Variants in ME1 observed in about 807,000 individuals in gnomAD.
ME1 encodes the protein malic enzyme 1.
ME1 carries 74 observed loss-of-function variants against 66.4 expected under a neutral mutation model. The observed-to-expected ratio is 1.11, with a 90% CI of 0.92 to 1.35. The LOEUF (loss-of-function observed/expected upper bound fraction) is 1.35. Ranked by LOEUF, ME1 falls within the 40% of genes most tolerant of loss-of-function variation. The pLI, the probability that ME1 is intolerant of heterozygous loss-of-function variation, is 0.00. For synonymous variants in ME1, 251 were observed against 235.6 expected, an observed-to-expected ratio of 1.07 and a Z score of -0.60; for missense variants, 750 against 694.1, an observed-to-expected ratio of 1.08 and a Z score of -0.90.
At chr6:83,227,032 C>T (rs555598599) in intron 11 of ME1, among the ~76,000 whole-genome samples, 1 of 152,076 alleles carries the variant, frequency 6.6e-6, no homozygotes, top group African/African-American at 2.4e-5. Context: ...TAATAAGCCT[C>T]TAGAACCAAG....
At chr6:83,292,093 T>A (rs547862730) in intron 6 of ME1, among the ~76,000 whole-genome samples, 297 of 152,240 alleles carry the variant, frequency 2.0e-3, no homozygotes, top group Non-Finnish European at 2.8e-3. Context: ...ATAAGTTTGT[T>A]ATTATCAACC....
At chr6:83,400,243 C>T (rs773782509) in intron 2 of ME1, among the ~76,000 whole-genome samples, 1 of 152,102 alleles carries the variant, frequency 6.6e-6, no homozygotes, top group Non-Finnish European at 1.5e-5. Context: ...TCATGAATGG[C>T]TTAGCACCAA....
At chr6:83,373,704 C>T (rs1188246675) in intron 3 of ME1, among the ~76,000 whole-genome samples, 1 of 151,972 alleles carries the variant, frequency 6.6e-6, no homozygotes, top group African/African-American at 2.4e-5. Context: ...CTGCATCTAT[C>T]GACCTGTCAT....
At chr6:83,308,412 A>G (rs1767864335) in intron 6 of ME1, among the ~76,000 whole-genome samples, 1 of 151,766 alleles carries the variant, frequency 6.6e-6, no homozygotes, top group Non-Finnish European at 1.5e-5. Flanking sequence ...AATATAGAGA[A>G]TTTTAGGCAG....
intron 8 of ME1, 83 bp downstream of exon 8, chr6:83,239,456 T>A (rs1282631978): frequency 5.3e-6 from 5 of 934,608 alleles, no homozygotes; most frequent in Non-Finnish European, 3.3e-6. Flanking sequence ...TTTGAAAGAA[T>A]ACGTCAAATC....
chr6:83,234,032 G>GA (rs1790349100), intron 9 of ME1, among the ~76,000 whole-genome samples: 1 of 152,038 alleles, frequency 6.6e-6, no homozygotes, highest in Non-Finnish European at 1.5e-5. Context: ...ATTTTGGCAA[G>GA]TAAAAGACAC....
At chr6:83,308,082 GGCAGCAAAT>G (rs1227723192) in intron 6 of ME1, among the ~76,000 whole-genome samples, 2 of 151,952 alleles carry the variant, frequency 1.3e-5, no homozygotes, top group Non-Finnish European at 2.9e-5. Context: ...TATCACACCT[GGCAGCAAAT>G]GGCAGATGAT....
intron 1 of ME1, among the ~76,000 whole-genome samples, chr6:83,413,552 A>G (rs1770091745): frequency 6.6e-6 from 1 of 152,098 alleles, no homozygotes; most frequent in African/African-American, 2.4e-5. Context: ...TTATTTATAT[A>G]TAAAGAGTAC....
At position 83,398,484 on chromosome 6, in the gene ME1, T is replaced by C. The variant is rs1241572117; in HGVS notation, c.245A>G (p.Asn82Ser). 6.3e-7 allele frequency: 1 copy of C among 1,575,686 alleles called. No homozygotes were observed. Among genetic ancestry groups the C allele is most frequent in the African/African-American group, 1.4e-5 (1 of 73,508 alleles). The change falls in exon 3 of 14, where the codon AAT (asparagine) becomes AGT (serine). Residue 82 changes from asparagine (N) to serine (S), a missense_variant. Coordinates refer to ENST00000369705, the MANE Select transcript of ME1 (RefSeq NM_002395.6). ...YLLLMDLQDR[N>S]EKLFYRVLTS... Reference sequence around the variant, plus strand: ...CAGCACTCTATAAAAGAGTTTTTCATTTCTATCTTGGAGATCCATTAAGAG... The same window carrying C: ...CAGCACTCTATAAAAGAGTTTTTCACTTCTATCTTGGAGATCCATTAAGAG...
intron 9 of ME1, among the ~76,000 whole-genome samples, chr6:83,236,937 G>A (rs1790410596): frequency 6.6e-6 from 1 of 151,950 alleles, no homozygotes; most frequent in African/African-American, 2.4e-5. Flanking sequence ...AGTGGTTCAT[G>A]CCTGTAAATC....
At chr6:83,391,200 A>G (rs978436095) in intron 3 of ME1, among the ~76,000 whole-genome samples, 1 of 152,034 alleles carries the variant, frequency 6.6e-6, no homozygotes, top group Non-Finnish European at 1.5e-5. Flanking sequence ...CTGTAGTATT[A>G]CTCCCAATTT....
rs1244774316 is a variant in ME1, at chr6:83,216,553, C to T, written c.1493G>A (p.Arg498Gln). Residue 498 changes from arginine (R) to glutamine (Q), a missense_variant, in exon 13 of 14, where the codon CGG (arginine) becomes CAG (glutamine). Arg to Gln is a conservative substitution (Grantham distance 43, BLOSUM62 1). Transcript: ENST00000369705. The part of the protein sequence containing the change: ...QVSDKHLEEG[R>Q]LYPPLNTIRD... ...AATGGTATTCAAAGGAGGATAAAGCCGACCCTCTTCCAAGTGTTTATCTGA... is the reference window on the plus strand; with the variant it reads ...AATGGTATTCAAAGGAGGATAAAGCTGACCCTCTTCCAAGTGTTTATCTGA... The T allele has an allele frequency of 6.2e-6, 10 of 1,611,102 alleles. No individual in the cohort carries two copies. The highest frequency in any genetic ancestry group is 4.5e-5 in the East Asian group (2 of 44,836).
At chr6:83,292,871 A>T (rs1767530104) in intron 6 of ME1, among the ~76,000 whole-genome samples, 1 of 152,086 alleles carries the variant, frequency 6.6e-6, no homozygotes, top group Admixed American at 6.5e-5. Flanking sequence ...TCCCGCCGCC[A>T]AGCTCCCGCA....
At chr6:83,283,559 G>T (rs1767345825) in intron 6 of ME1, among the ~76,000 whole-genome samples, 1 of 151,952 alleles carries the variant, frequency 6.6e-6, no homozygotes. Context: ...TGCACGTTCT[G>T]CACATGTATC....
chr6:83,374,544 G>T (rs1177789653), intron 3 of ME1, among the ~76,000 whole-genome samples: 2 of 152,176 alleles, frequency 1.3e-5, no homozygotes, highest in African/African-American at 4.8e-5. Flanking sequence ...CATTCTGGAG[G>T]TTGCCTGTTC....
chr6:83,279,431 C>G (rs147706304), intron 6 of ME1, among the ~76,000 whole-genome samples: 5 of 152,208 alleles, frequency 3.3e-5, no homozygotes, highest in East Asian at 1.9e-4. Context: ...GTGATCTAAG[C>G]AGAGCAATAG....
At chr6:83,301,895 T>C (rs1340523383) in intron 6 of ME1, among the ~76,000 whole-genome samples, 2 of 152,164 alleles carry the variant, frequency 1.3e-5, no homozygotes, top group Non-Finnish European at 2.9e-5. Context: ...TGCAGATTCC[T>C]CATAGAGCTA....
At chr6:83,283,895 A>G (rs1767352229) in intron 6 of ME1, among the ~76,000 whole-genome samples, 1 of 152,196 alleles carries the variant, frequency 6.6e-6, no homozygotes, top group African/African-American at 2.4e-5. Flanking sequence ...TCAGAGCAAA[A>G]GTGAATGAAA....
chr6:83,366,626 G>T (rs1769105375), intron 3 of ME1, among the ~76,000 whole-genome samples: 1 of 152,182 alleles, frequency 6.6e-6, no homozygotes, highest in African/African-American at 2.4e-5. Flanking sequence ...ACACTGAGGA[G>T]CTATACGATC....
Sources: allele counts gnomAD v4.1 joint callset (sites outside exome capture counted in the v4.1 genomes callset), GRCh38; gene constraint gnomAD v4.1.1; transcripts MANE v1.5; gene names NCBI Gene and HGNC (gene_info 2026-07-23, HGNC 2026-07-21).